Variants in FUT9 observed in about 807,000 individuals in gnomAD.
FUT9 encodes 4-galactosyl-N-acetylglucosaminide 3-alpha-L-fucosyltransferase 9.
In FUT9, 15 loss-of-function variants were observed where a neutral mutation model predicts 29.7. The ratio of observed to expected loss-of-function variants is 0.51; its 90% CI spans 0.34 to 0.78. The LOEUF (loss-of-function observed/expected upper bound fraction) is 0.78, where lower values mean the gene tolerates loss of function less well. Ranked by LOEUF, FUT9 falls within the 30% of genes least tolerant of loss-of-function variation. FUT9 has a pLI of 0.01. For synonymous variants in FUT9, 169 were observed against 153.7 expected (o/e 1.10, Z -0.74); for missense variants, 319 against 425.4 (o/e 0.75, Z 2.20).
Position 96,126,562 on chromosome 6 carries a change from C to A in FUT9, c.-9+12435C>A, listed in dbSNP as rs140200652. 3.3e-5 allele frequency among the ~76,000 whole-genome samples: 5 copies of A among 152,350 alleles called. No homozygotes were observed. The East Asian group carries it at 9.6e-4, about 29-fold the overall frequency. On this transcript the variant is annotated intron_variant, in intron 2 of 2. Transcript: ENST00000302103. ...CTATTTATACCATAGTTTTGCTATTCTGTAGATCCAGGACATATTGCAAAT... is the reference window on the plus strand; with the variant it reads ...CTATTTATACCATAGTTTTGCTATTATGTAGATCCAGGACATATTGCAAAT...
At chr6:96,169,164 G>A (rs1358871801) in intron 2 of FUT9, among the ~76,000 whole-genome samples, 1 of 152,222 alleles carries the variant, frequency 6.6e-6, no homozygotes, top group Non-Finnish European at 1.5e-5. Context: ...TTACCAAGTA[G>A]TGAGTAACTA....
intron 2 of FUT9, among the ~76,000 whole-genome samples, chr6:96,132,347 C>T (rs1772261655): frequency 9.5e-6 from 1 of 105,126 alleles, no homozygotes; most frequent in Non-Finnish European, 2.3e-5. Context: ...TTATAAGCTG[C>T]TCCTGAAAAT....
intron 1 of FUT9, among the ~76,000 whole-genome samples, chr6:96,021,545 T>C (rs1217591499): frequency 4.6e-5 from 7 of 152,074 alleles, no homozygotes; most frequent in Admixed American, 4.6e-4. Context: ...ATAGCTATCC[T>C]ATAATCAAAA....
intron 2 of FUT9, among the ~76,000 whole-genome samples, chr6:96,156,093 T>G (rs1772779682): frequency 6.6e-6 from 1 of 152,232 alleles, no homozygotes; most frequent in Admixed American, 6.5e-5. Context: ...AGGATGCTTC[T>G]GGTACTCGGT....
intron 1 of FUT9, among the ~76,000 whole-genome samples, chr6:96,074,992 C>CAGGCTCATT (rs1771120994): frequency 6.6e-6 from 1 of 151,834 alleles, no homozygotes. Context: ...CTGTGTTGCC[C>CAGGCTCATT]AGGCTCATTA....
At chr6:96,051,012 C>G (rs13211169) in intron 1 of FUT9, among the ~76,000 whole-genome samples, 91,388 of 149,386 alleles carry the variant, frequency 0.61, 28,282 homozygotes, top group African/African-American at 0.73. Context: ...CTCTCTCTCT[C>G]TGTGTGTGTG....
intron 2 of FUT9, among the ~76,000 whole-genome samples, chr6:96,201,350 G>C (rs1303738430): frequency 1.3e-5 from 2 of 151,694 alleles, no homozygotes. Context: ...ACAATTATTT[G>C]CTATTTTTGG....
intron 2 of FUT9, among the ~76,000 whole-genome samples, chr6:96,139,441 A>G (rs1052525482): frequency 2.0e-4 from 30 of 152,210 alleles, no homozygotes; most frequent in South Asian, 8.3e-4. Flanking sequence ...CTGTTTGTAT[A>G]TCTATTATTC....
At chr6:96,115,237 T>C (rs1371813184) in intron 2 of FUT9, among the ~76,000 whole-genome samples, 13 of 152,204 alleles carry the variant, frequency 8.5e-5, no homozygotes, top group Non-Finnish European at 1.9e-4. Context: ...AATAAGCAGG[T>C]GAAATGAGTC....
chr6:96,100,276 C>T (rs4518504), intron 1 of FUT9, among the ~76,000 whole-genome samples: 137,501 of 150,964 alleles, frequency 0.91, 63,531 homozygotes, highest in East Asian at 1. Flanking sequence ...CACACACACA[C>T]ATATAATATT....
At chr6:96,179,418 C>G (rs548092848) in intron 2 of FUT9, among the ~76,000 whole-genome samples, 1 of 152,030 alleles carries the variant, frequency 6.6e-6, no homozygotes, top group South Asian at 2.1e-4. Context: ...AATGCAAGTG[C>G]TATGTCAAAG....
At chr6:96,151,134 G>A (rs1772667760) in intron 2 of FUT9, among the ~76,000 whole-genome samples, 1 of 152,126 alleles carries the variant, frequency 6.6e-6, no homozygotes, top group Non-Finnish European at 1.5e-5. Flanking sequence ...TTAACCTGAA[G>A]TCATTTTGAA....
At chr6:96,044,079 G>A (rs1419684070) in intron 1 of FUT9, among the ~76,000 whole-genome samples, 3 of 152,132 alleles carry the variant, frequency 2.0e-5, no homozygotes, top group African/African-American at 2.4e-5. Flanking sequence ...AAGTGGTTGC[G>A]AGTGAGATGA....
intron 2 of FUT9, among the ~76,000 whole-genome samples, chr6:96,123,040 A>G (rs1772059807): frequency 8.5e-6 from 1 of 117,660 alleles, no homozygotes; most frequent in Non-Finnish European, 1.6e-5. Context: ...AGCCTAGGAG[A>G]CAGCCGCGAG....
At chr6:96,107,124 TG>T (rs1234025503) in intron 1 of FUT9, among the ~76,000 whole-genome samples, 1 of 152,186 alleles carries the variant, frequency 6.6e-6, no homozygotes. Flanking sequence ...CTGGTCTAAA[TG>T]AAAACATTCA....
chr6:96,087,139 G>A (rs1486672518), intron 1 of FUT9, among the ~76,000 whole-genome samples: 2 of 152,076 alleles, frequency 1.3e-5, no homozygotes, highest in Admixed American at 6.5e-5. Context: ...CATTCTTACA[G>A]AGCCAAAAAG....
At chr6:96,076,111 T>C (rs1771139181) in intron 1 of FUT9, among the ~76,000 whole-genome samples, 1 of 152,164 alleles carries the variant, frequency 6.6e-6, no homozygotes, top group Non-Finnish European at 1.5e-5. Flanking sequence ...AACATATCCA[T>C]GGAATTCAGA....
intron 1 of FUT9, among the ~76,000 whole-genome samples, chr6:96,053,768 G>A (rs192186292): frequency 2.0e-5 from 3 of 152,118 alleles, no homozygotes; most frequent in Admixed American, 2.0e-4. Flanking sequence ...TGCAGCACTG[G>A]CCAAAATATC....
chr6:96,146,866 A>G (rs1018622946), intron 2 of FUT9, among the ~76,000 whole-genome samples: 15 of 152,236 alleles, frequency 9.9e-5, no homozygotes, highest in Non-Finnish European at 2.9e-5. Context: ...GACAAGCCCA[A>G]TTGTACAACA....
Sources: allele counts gnomAD v4.1 joint callset (sites outside exome capture counted in the v4.1 genomes callset), GRCh38; gene constraint gnomAD v4.1.1; transcripts MANE v1.5; gene names NCBI Gene and HGNC (gene_info 2026-07-23, HGNC 2026-07-21).